The following DCDC1 variants were observed in gnomAD, a reference collection of about 807,000 sequenced individuals.
The protein encoded by DCDC1 is doublecortin domain containing 1.
DCDC1 carries 200 observed loss-of-function variants against 178.3 expected under a neutral mutation model. The observed-to-expected ratio is 1.12, with a 90% CI of 1.00 to 1.26. The LOEUF is 1.26. Among genes scored for constraint, DCDC1 ranks in the 50% most tolerant of loss-of-function variants. The pLI is 0.00. For synonymous variants in DCDC1, 690 were observed against 604.8 expected, an observed-to-expected ratio of 1.14 and a Z score of -2.07; for missense variants, 1,983 against 1,749.2, an observed-to-expected ratio of 1.13 and a Z score of -2.38.
chr11:30,894,619 C>T (rs1031272690), intron 34 of DCDC1, among the ~76,000 whole-genome samples: 13 of 152,174 alleles, frequency 8.5e-5, no homozygotes, highest in East Asian at 1.9e-4. Flanking sequence ...AGGTAGAAGA[C>T]GAAGATAACA....
At chr11:30,909,196 G>GA in intron 28 of DCDC1, 80 bp from the exon 29 acceptor site, 11 of 1,266,036 alleles carry the variant, frequency 8.7e-6, no homozygotes, top group Non-Finnish European at 1.2e-5. Flanking sequence ...CATATATCCA[G>GA]AAAGTGCAGA....
intron 36 of DCDC1, chr11:30,882,726 A>G (rs1220102774): frequency 6.6e-6 from 1 of 152,200 alleles, no homozygotes; most frequent in Admixed American, 6.5e-5. Context: ...AGGAAATATA[A>G]ATAGAAAAAT....
chr11:31,113,893 A>T (rs1259374644), intron 11 of DCDC1, among the ~76,000 whole-genome samples: 1 of 152,186 alleles, frequency 6.6e-6, no homozygotes, highest in Non-Finnish European at 1.5e-5. Context: ...CCTCAATCAG[A>T]TTTCTTTAAA....
At chr11:30,894,415 T>C in intron 34 of DCDC1, 31 bp from the exon 35 acceptor site, 1 of 1,605,474 alleles carries the variant, frequency 6.2e-7, no homozygotes, top group East Asian at 2.2e-5. Context: ...AAATTTTGTT[T>C]CTGATGATAG....
At chr11:30,927,570 T>C (rs1946664575) in intron 22 of DCDC1, among the ~76,000 whole-genome samples, 1 of 152,154 alleles carries the variant, frequency 6.6e-6, no homozygotes, top group African/African-American at 2.4e-5. Context: ...TTAGTGGCAA[T>C]GCTGGGGTTA....
At chr11:31,047,319 T>C (rs747905841) in intron 20 of DCDC1, among the ~76,000 whole-genome samples, 1 of 152,182 alleles carries the variant, frequency 6.6e-6, no homozygotes, top group Admixed American at 6.5e-5. Flanking sequence ...TCTGTTATTG[T>C]GTTGTCATTG....
Position 30,998,042 on chromosome 11 carries a change from C to A in DCDC1, c.2592-45474G>T, listed in dbSNP as rs563140629. ...GGCACAGTGGCTCATGTCTGTAATG[C>A]CAGCACTTTGGAAGGTCGAGGCAGG... On this transcript the variant is annotated intron_variant, in intron 20 of 38. Coordinates refer to ENST00000684477, the MANE Select transcript of DCDC1 (RefSeq NM_001387274.1). 2.6e-5 allele frequency among the ~76,000 whole-genome samples: 4 copies of A among 152,062 alleles called. No individual in the cohort carries two copies. In the South Asian group the frequency reaches 8.3e-4, roughly 32 times the overall value.
intron 3 of DCDC1, 80 bp from the exon 4 acceptor site, chr11:31,307,988 G>A (rs918705584): frequency 5.9e-5 from 91 of 1,554,208 alleles, no homozygotes; most frequent in Non-Finnish European, 7.3e-5. Flanking sequence ...ATAACGAGTT[G>A]TGTGCTATGT....
intron 9 of DCDC1, among the ~76,000 whole-genome samples, chr11:31,141,571 A>C (rs753954130): frequency 2.0e-4 from 31 of 152,224 alleles, no homozygotes; most frequent in Non-Finnish European, 3.4e-4. Context: ...TCAATAGATC[A>C]GTTGATCTAT....
At chr11:31,184,326 A>T (rs1172983047) in intron 9 of DCDC1, among the ~76,000 whole-genome samples, 2 of 152,244 alleles carry the variant, frequency 1.3e-5, no homozygotes, top group African/African-American at 4.8e-5. Flanking sequence ...ACCTAACACC[A>T]TGAAAACCCT....
chr11:31,057,248 A>G (rs1179284919), intron 20 of DCDC1, among the ~76,000 whole-genome samples: 2 of 137,936 alleles, frequency 1.4e-5, no homozygotes, highest in Admixed American at 7.2e-5. Flanking sequence ...GAAAGAAAAG[A>G]AAGGAAGGAA....
chr11:30,945,616 C>T (rs1287532319), intron 21 of DCDC1, among the ~76,000 whole-genome samples: 1 of 151,844 alleles, frequency 6.6e-6, no homozygotes, highest in Non-Finnish European at 1.5e-5. Context: ...TCGCTTGAAC[C>T]CAGGAGGCAG....
At chr11:31,337,005 G>A (rs1950306723) in intron 1 of DCDC1, among the ~76,000 whole-genome samples, 1 of 152,138 alleles carries the variant, frequency 6.6e-6, no homozygotes, top group Non-Finnish European at 1.5e-5. Context: ...ACCAACCCTG[G>A]ACTATCTACC....
intron 20 of DCDC1, among the ~76,000 whole-genome samples, chr11:31,040,186 A>AG (rs1954341407): frequency 6.6e-6 from 1 of 152,182 alleles, no homozygotes; most frequent in Admixed American, 6.5e-5. Flanking sequence ...CTATGTCTTG[A>AG]GAAAAAAAAG....
intron 21 of DCDC1, among the ~76,000 whole-genome samples, chr11:30,938,332 T>C (rs994683625): frequency 2.6e-5 from 4 of 152,142 alleles, no homozygotes; most frequent in Non-Finnish European, 5.9e-5. Context: ...CTCCTGTCTG[T>C]CTGCAAAGAC....
intron 17 of DCDC1, among the ~76,000 whole-genome samples, 155 bp downstream of exon 17, chr11:31,091,238 T>C (rs982327679): frequency 2.6e-5 from 4 of 152,208 alleles, no homozygotes; most frequent in Non-Finnish European, 5.9e-5. Context: ...ATTTTCAAGC[T>C]TACTTTGGAT....
intron 38 of DCDC1, among the ~76,000 whole-genome samples, chr11:30,876,965 A>G (rs1211830084): frequency 1.3e-5 from 2 of 152,110 alleles, no homozygotes; most frequent in Admixed American, 6.6e-5. Flanking sequence ...CAGAAGTCAC[A>G]TGCAATCTTT....
At chr11:31,306,654 A>G (rs1435479558) in intron 4 of DCDC1, among the ~76,000 whole-genome samples, 1 of 151,802 alleles carries the variant, frequency 6.6e-6, no homozygotes, top group Non-Finnish European at 1.5e-5. Flanking sequence ...GATTCTTATC[A>G]CTTTACTTAT....
intron 9 of DCDC1, among the ~76,000 whole-genome samples, chr11:31,153,817 C>CACACACACACACACA (rs957007039): frequency 6.0e-5 from 9 of 149,988 alleles, no homozygotes; most frequent in African/African-American, 1.7e-4. Context: ...CACACACACA[C>CACACACACACACACA]AATTACCATA....
Sources: gnomAD v4.1 joint callset for allele counts (sites outside exome capture counted in the v4.1 genomes callset) on GRCh38, gnomAD v4.1.1 for gene constraint, MANE v1.5 for transcripts, NCBI Gene and HGNC (gene_info 2026-07-23, HGNC 2026-07-21) for gene names.